OTUD7B: variants seen among roughly 807,000 people sequenced by gnomAD.
The protein encoded by OTUD7B is OTU deubiquitinase 7B.
Under a neutral mutation model 82.2 loss-of-function variants are expected in OTUD7B, and 34 were observed. The ratio of observed to expected loss-of-function variants is 0.41; its 90% CI spans 0.31 to 0.55. OTUD7B has a LOEUF of 0.55. Among genes scored for constraint, OTUD7B ranks in the 20% least tolerant of loss-of-function variants. OTUD7B has a pLI of 0.20. For synonymous variants in OTUD7B, 398 were observed against 402.7 expected, an observed-to-expected ratio of 0.99 and a Z score of 0.14; for missense variants, 944 against 1,062.1, an observed-to-expected ratio of 0.89 and a Z score of 1.55.
chr1:149,991,408 G>T (rs1411580620), intron 1 of OTUD7B, among the ~76,000 whole-genome samples: 2 of 152,048 alleles, frequency 1.3e-5, no homozygotes, highest in African/African-American at 4.8e-5. Flanking sequence ...TTAGTTACAA[G>T]CATATAACAC....
chr1:150,012,691 A>G (rs1346971522), upstream of OTUD7B, among the ~76,000 whole-genome samples: 2 of 152,206 alleles, frequency 1.3e-5, no homozygotes, highest in African/African-American at 4.8e-5. Flanking sequence ...GTTGCTGGTC[A>G]AAGTCATTTA....
the OTUD7B span, among the ~76,000 whole-genome samples, chr1:150,036,182 G>A: frequency 1.3e-5 from 2 of 151,764 alleles, no homozygotes; most frequent in Non-Finnish European, 2.9e-5. Flanking sequence ...TTGAACTCCT[G>A]GGCTGAAGCA....
rs1344362021 is a variant in OTUD7B, at chr1:149,958,214, C to CA, written c.845+1469dup. Reference sequence around the variant, plus strand: ...CTCAGATCTATTTACCTACCTCCCCCATCACGGGGCTACCACCAGAGAATT... The same window carrying CA: ...CTCAGATCTATTTACCTACCTCCCCCAATCACGGGGCTACCACCAGAGAATT... On this transcript the variant is annotated intron_variant, in intron 7 of 11. Coordinates refer to ENST00000581312, the MANE Select transcript of OTUD7B (RefSeq NM_020205.4). Among the ~76,000 whole-genome samples, 4 of 152,136 alleles carry CA rather than the reference C, an allele frequency of 2.6e-5. No individual in the cohort carries two copies. In the East Asian group the frequency reaches 7.7e-4, roughly 29 times the overall value.
chr1:150,054,212 A>T, the OTUD7B span: 63 of 423,810 alleles, frequency 1.5e-4, no homozygotes, highest in Non-Finnish European at 2.3e-4. Context: ...ATATTATCTT[A>T]CTGAAGATGT....
chr1:150,047,359 C>A, the OTUD7B span, among the ~76,000 whole-genome samples: 1 of 152,150 alleles, frequency 6.6e-6, no homozygotes, highest in Admixed American at 6.5e-5. Context: ...TTATGCATCT[C>A]AACACTCCCC....
At chr1:149,946,157 T>C (rs1337288373) in intron 11 of OTUD7B, among the ~76,000 whole-genome samples, 1 of 151,020 alleles carries the variant, frequency 6.6e-6, no homozygotes. Context: ...GGCAGGCGGA[T>C]CACAAGACCA....
the OTUD7B span, among the ~76,000 whole-genome samples, chr1:150,031,210 G>A: frequency 1.3e-5 from 2 of 152,170 alleles, no homozygotes; most frequent in African/African-American, 4.8e-5. Context: ...AGAGCACGAT[G>A]CCACCATATT....
the OTUD7B span, among the ~76,000 whole-genome samples, chr1:150,023,168 G>C: frequency 6.6e-6 from 1 of 152,192 alleles, no homozygotes; most frequent in South Asian, 2.1e-4. Flanking sequence ...ATGGAGAAAA[G>C]GGGACCCAGC....
chr1:150,055,523 G>A, the OTUD7B span, among the ~76,000 whole-genome samples: 4 of 152,192 alleles, frequency 2.6e-5, no homozygotes, highest in Admixed American at 6.5e-5. Context: ...ACTACCATTC[G>A]ACCCAGCAAT....
the OTUD7B span, among the ~76,000 whole-genome samples, chr1:150,027,959 C>T: frequency 6.6e-6 from 1 of 152,186 alleles, no homozygotes; most frequent in African/African-American, 2.4e-5. Context: ...ATTAAAAAAG[C>T]TTTCTGAAGT....
intron 1 of OTUD7B, among the ~76,000 whole-genome samples, chr1:149,999,453 A>C (rs1419115066): frequency 1.3e-5 from 2 of 152,242 alleles, no homozygotes; most frequent in African/African-American, 4.8e-5. Flanking sequence ...CTTAGAACTG[A>C]TAGAAATTTT....
chr1:150,050,140 G>A, the OTUD7B span, among the ~76,000 whole-genome samples: 1 of 151,972 alleles, frequency 6.6e-6, no homozygotes, highest in East Asian at 1.9e-4. Context: ...GCTGCAGTGA[G>A]CCATGATTGC....
intron 1 of OTUD7B, among the ~76,000 whole-genome samples, chr1:149,996,736 T>C (rs952766412): frequency 3.5e-4 from 53 of 152,240 alleles, no homozygotes; most frequent in African/African-American, 1.2e-3. Flanking sequence ...TTATATAAAA[T>C]GTTTAGTATA....
At chr1:149,996,464 T>G (rs995910409) in intron 1 of OTUD7B, among the ~76,000 whole-genome samples, 1 of 152,238 alleles carries the variant, frequency 6.6e-6, no homozygotes, top group African/African-American at 2.4e-5. Context: ...AGTGGCATAA[T>G]GTAACAATGG....
intron 1 of OTUD7B, among the ~76,000 whole-genome samples, chr1:149,992,426 C>T (rs1415056488): frequency 6.7e-6 from 1 of 148,474 alleles, no homozygotes; most frequent in African/African-American, 2.5e-5. Context: ...CATACACCAT[C>T]CAGAAATCAC....
At chr1:150,039,673 C>T in the OTUD7B span, among the ~76,000 whole-genome samples, 1 of 152,192 alleles carries the variant, frequency 6.6e-6, no homozygotes, top group African/African-American at 2.4e-5. Context: ...CTGCGCCTGG[C>T]CTATTCAAAA....
chr1:149,983,268 G>A (rs1442705241), intron 1 of OTUD7B, among the ~76,000 whole-genome samples: 1 of 152,054 alleles, frequency 6.6e-6, no homozygotes, highest in African/African-American at 2.4e-5. Flanking sequence ...CTATGCTCAT[G>A]AGTAAAAACA....
chr1:149,987,261 T>C (rs1292600364), intron 1 of OTUD7B, among the ~76,000 whole-genome samples: 2 of 152,104 alleles, frequency 1.3e-5, no homozygotes, highest in South Asian at 2.1e-4. Context: ...AATGCCACAT[T>C]TTGTCCAGGG....
chr1:150,016,707 C>T, the OTUD7B span, among the ~76,000 whole-genome samples: 3 of 152,246 alleles, frequency 2.0e-5, no homozygotes, highest in South Asian at 4.1e-4. Context: ...CCGCCTTGGC[C>T]TCCCAAAGTG....
Sources: allele counts gnomAD v4.1 joint callset (sites outside exome capture counted in the v4.1 genomes callset), GRCh38; gene constraint gnomAD v4.1.1; transcripts MANE v1.5; gene names NCBI Gene and HGNC (gene_info 2026-07-23, HGNC 2026-07-21).